The following ADGB variants were observed in gnomAD, a reference collection of about 807,000 sequenced individuals.
ADGB encodes calpain-7-like protein.
Under a neutral mutation model 210.5 loss-of-function variants are expected in ADGB, and 172 were observed. That is an observed-to-expected ratio of 0.82 (90% CI 0.72 to 0.93). ADGB has a LOEUF of 0.93. Ranked by LOEUF, ADGB falls within the 40% of genes least tolerant of loss-of-function variation. ADGB has a pLI of 0.00. For synonymous variants in ADGB, 658 were observed against 662.7 expected, an observed-to-expected ratio of 0.99 and a Z score of 0.11; for missense variants, 2,025 against 1,964.8, an observed-to-expected ratio of 1.03 and a Z score of -0.58.
chr6:146,796,756 A>C (rs539581563), intron 33 of ADGB, among the ~76,000 whole-genome samples: 6 of 152,324 alleles, frequency 3.9e-5, no homozygotes, highest in African/African-American at 1.4e-4. Flanking sequence ...GAAACCATAA[A>C]GATTCCAGGA....
intron 9 of ADGB, among the ~76,000 whole-genome samples, chr6:146,682,415 A>G (rs565133041): frequency 6.6e-5 from 10 of 152,154 alleles, no homozygotes; most frequent in Non-Finnish European, 1.3e-4. Context: ...GCCATATAAG[A>G]CTCATAATTA....
chr6:146,691,500 AT>A (rs71031007), intron 11 of ADGB, among the ~76,000 whole-genome samples: 155 of 13,510 alleles, frequency 0.011, 1 homozygote, highest in Non-Finnish European at 0.014. Context: ...ATATATATAT[AT>A]TTTTTTTTTT....
intron 13 of ADGB, among the ~76,000 whole-genome samples, chr6:146,702,102 AT>A (rs1776500026): frequency 6.6e-6 from 1 of 151,956 alleles, no homozygotes; most frequent in Non-Finnish European, 1.5e-5. Flanking sequence ...ACATTAATGG[AT>A]TTGTGAAATT....
intron 8 of ADGB, among the ~76,000 whole-genome samples, chr6:146,674,524 A>G (rs1341744506): frequency 2.0e-5 from 3 of 152,156 alleles, no homozygotes; most frequent in South Asian, 2.1e-4. Context: ...GTTATGGGAG[A>G]GTGGATACAG....
rs76578470 is a variant in ADGB, at chr6:146,774,078, G to T, written c.3862+4947G>T. Among the ~76,000 whole-genome samples, 749 of 152,120 alleles carry T rather than the reference G, an allele frequency of 4.9e-3. 2 individuals are homozygous for T. Among genetic ancestry groups the T allele is most frequent in the African/African-American group, 0.017 (704 of 41,502 alleles). ...AAAGTAATAATATACAGTAGTACTG[G>T]CTTCATATCTTTACAGTGTCTCTGA... On this transcript the variant is annotated intron_variant, in intron 29 of 35. Transcript: ENST00000397944.
At chr6:146,680,495 C>G (rs1479076972) in intron 9 of ADGB, among the ~76,000 whole-genome samples, 1 of 152,076 alleles carries the variant, frequency 6.6e-6, no homozygotes, top group Non-Finnish European at 1.5e-5. Context: ...GTACTAATAA[C>G]AAGGTGAAAA....
In ADGB at chr6:146,723,722, G is replaced by A. The variant is rs192105326; in HGVS notation, c.2096-464G>A. Among the ~76,000 whole-genome samples, 778 of 152,254 alleles carry A rather than the reference G, an allele frequency of 5.1e-3. 13 individuals carry two copies. The highest frequency in any genetic ancestry group is 4.5e-3 in the Non-Finnish European group (308 of 68,022). ...ACTGCACTTCAGCTTGGGTAACAGA[G>A]TGAGAACCCGTCTTTAAAAAATAAA... On this transcript the variant is annotated intron_variant, in intron 17 of 35. Transcript: ENST00000397944.
chr6:146,768,377 G>A (rs556854677), intron 28 of ADGB, among the ~76,000 whole-genome samples: 2 of 152,224 alleles, frequency 1.3e-5, no homozygotes, highest in East Asian at 3.9e-4. Context: ...ATTAATTAAT[G>A]CATACATAGG....
At chr6:146,604,306 C>T (rs1489007338) in intron 1 of ADGB, among the ~76,000 whole-genome samples, 4 of 152,120 alleles carry the variant, frequency 2.6e-5, no homozygotes, top group Non-Finnish European at 2.9e-5. Context: ...GGAGAATGGC[C>T]CAGTCCTCTC....
intron 32 of ADGB, among the ~76,000 whole-genome samples, chr6:146,787,010 G>A (rs1228844769): frequency 6.6e-6 from 1 of 152,124 alleles, no homozygotes; most frequent in Non-Finnish European, 1.5e-5. Flanking sequence ...AAATTACTAA[G>A]AGGAACTTGG....
intron 1 of ADGB, among the ~76,000 whole-genome samples, chr6:146,627,605 T>C (rs1468563400): frequency 6.6e-6 from 1 of 152,142 alleles, no homozygotes; most frequent in South Asian, 2.1e-4. Flanking sequence ...GTAATACTAG[T>C]TCTGGTTCAG....
intron 1 of ADGB, among the ~76,000 whole-genome samples, chr6:146,626,707 CT>C (rs1435159232): frequency 6.6e-6 from 1 of 151,478 alleles, no homozygotes; most frequent in Non-Finnish European, 1.5e-5. Flanking sequence ...TTTTTTACCA[CT>C]GTTTTTAAGT....
chr6:146,693,061 C>T (rs976802469), intron 12 of ADGB, 146 bp downstream of exon 12: 6 of 547,400 alleles, frequency 1.1e-5, no homozygotes, highest in South Asian at 2.7e-5. Flanking sequence ...TTTAAAAGGA[C>T]ATTTTCTTGA....
chr6:146,647,158 A>C (rs4896879), intron 3 of ADGB, among the ~76,000 whole-genome samples: 40,148 of 150,594 alleles, frequency 0.27, 6,632 homozygotes, highest in Admixed American at 0.38. Context: ...AACAAACAAA[A>C]AAAACCAGAT....
At chr6:146,608,219 GT>G (rs367957555) in intron 1 of ADGB, among the ~76,000 whole-genome samples, 3 of 150,030 alleles carry the variant, frequency 2.0e-5, no homozygotes, top group Admixed American at 6.7e-5. Context: ...AGGTTTTGTG[GT>G]TTTTTTTTGT....
intron 1 of ADGB, among the ~76,000 whole-genome samples, chr6:146,618,263 C>T (rs56051987): frequency 0.011 from 1,656 of 150,372 alleles, 9 homozygotes; most frequent in Non-Finnish European, 0.019. Context: ...TTGAGTCTTA[C>T]GGTTTTTTTT....
chr6:146,643,210 A>G (rs1775544387), intron 2 of ADGB, among the ~76,000 whole-genome samples: 1 of 151,836 alleles, frequency 6.6e-6, no homozygotes, highest in South Asian at 2.1e-4. Context: ...AAATTATTCC[A>G]GTATCTTAAA....
At chr6:146,729,726 C>T (rs977702336) in intron 20 of ADGB, among the ~76,000 whole-genome samples, 3 of 152,194 alleles carry the variant, frequency 2.0e-5, no homozygotes, top group East Asian at 1.9e-4. Context: ...TTAGAGGCAT[C>T]AGCATTGCGC....
chr6:146,635,558 C>A, intron 2 of ADGB, 21 bp downstream of exon 2: 1 of 1,469,444 alleles, frequency 6.8e-7, no homozygotes, highest in Non-Finnish European at 9.0e-7. Context: ...GTAAATGTGA[C>A]TAGGTTTCAT....
Sources: gnomAD v4.1 joint callset for allele counts (sites outside exome capture counted in the v4.1 genomes callset) on GRCh38, gnomAD v4.1.1 for gene constraint, MANE v1.5 for transcripts, NCBI Gene and HGNC (gene_info 2026-07-23, HGNC 2026-07-21) for gene names.